The following PPP2R2C variants were observed in gnomAD, a reference collection of about 807,000 sequenced individuals.
PPP2R2C encodes the protein protein phosphatase 2, regulatory subunit B, gamma.
PPP2R2C carries 10 observed loss-of-function variants against 45.3 expected under a neutral mutation model. The ratio of observed to expected loss-of-function variants is 0.22; its 90% confidence interval spans 0.14 to 0.37. The LOEUF is 0.37. Ranked by LOEUF, PPP2R2C falls within the 10% of genes least tolerant of loss-of-function variation. The pLI is 1.00. For synonymous variants in PPP2R2C, 257 were observed against 245.4 expected, an observed-to-expected ratio of 1.05 and a Z score of -0.44; for missense variants, 308 against 619.7, an observed-to-expected ratio of 0.50 and a Z score of 5.34.
At chr4:6,463,561 T>C (rs1478795402) in intron 1 of PPP2R2C, among the ~76,000 whole-genome samples, 1 of 152,214 alleles carries the variant, frequency 6.6e-6, no homozygotes, top group Non-Finnish European at 1.5e-5. Context: ...GTGCCTGTCC[T>C]GGGCAGCACA....
intron 1 of PPP2R2C, among the ~76,000 whole-genome samples, chr4:6,539,176 C>T (rs755394355): frequency 1.3e-5 from 2 of 151,686 alleles, no homozygotes; most frequent in Non-Finnish European, 2.9e-5. Context: ...AATTTGGACA[C>T]ACAGACACAC....
In PPP2R2C at chr4:6,511,259, TGCTGA is replaced by T. The variant is rs1260012545; in HGVS notation, c.49+24007_49+24011del. Among the ~76,000 whole-genome samples the T allele has an allele frequency of 2.9e-3, 378 of 130,414 alleles. 1 individual carries two copies. Among genetic ancestry groups the T allele is most frequent in the Non-Finnish European group, 4.4e-3 (277 of 63,184 alleles). The allele number at this position is 130,414 out of a possible 152,430, so 85.6% of individuals were successfully genotyped here. ...GTTCCGCTGGTGATGCTGATGCTGA[TGCTGA>T]TGCTGATGCTGATGCTGATGCTGAT... On this transcript the variant is annotated intron_variant, in intron 2 of 9. Coordinates refer to the PPP2R2C transcript ENST00000506140.
intron 8 of PPP2R2C, among the ~76,000 whole-genome samples, chr4:6,327,105 C>A (rs1228185625): frequency 6.6e-6 from 1 of 152,194 alleles, no homozygotes; most frequent in Non-Finnish European, 1.5e-5. Context: ...GGAGGTGGCA[C>A]ACCTCTATGC....
intron 5 of PPP2R2C, among the ~76,000 whole-genome samples, chr4:6,358,563 C>A (rs1382000956): frequency 6.7e-6 from 1 of 149,436 alleles, no homozygotes; most frequent in African/African-American, 2.5e-5. Flanking sequence ...AGGCAACCTA[C>A]GGAATGGGAG....
intron 2 of PPP2R2C, among the ~76,000 whole-genome samples, chr4:6,483,551 G>A (rs899495505): frequency 6.6e-6 from 1 of 151,966 alleles, no homozygotes; most frequent in African/African-American, 2.4e-5. Flanking sequence ...ATCTTTTCGT[G>A]TGCTTATTTG....
At chr4:6,419,619 G>C (rs1224940808) in intron 1 of PPP2R2C, among the ~76,000 whole-genome samples, 1 of 152,170 alleles carries the variant, frequency 6.6e-6, no homozygotes, top group Non-Finnish European at 1.5e-5. Context: ...TAGGGCCTGG[G>C]ATGTGTCTGG....
rs1259315432 is a variant in PPP2R2C, at chr4:6,510,987, AAACAAACAAAC to A, written c.49+24273_49+24283del. Among the ~76,000 whole-genome samples the A allele has an allele frequency of 7.1e-5, 6 of 84,224 alleles. 1 individual carries two copies. Among genetic ancestry groups the A allele is most frequent in the African/African-American group, 2.2e-4 (6 of 27,304 alleles). 55.3% of individuals were successfully genotyped at this position (84,224 alleles called of 152,430 possible). On this transcript the variant is annotated intron_variant, in intron 2 of 9. Transcript: ENST00000506140. ...GTGAGACTCCGTCTCAAACAAAAAA[AAACAAACAAAC>A]AAAAAAAAAAACAGAAAATGTTTGT... is the stretch of plus-strand genomic sequence containing the variant.
rs538667995 is a variant in PPP2R2C at position 6,331,439 on chromosome 4, G to A, written c.961-2086C>T. Among the ~76,000 whole-genome samples the A allele has an allele frequency of 5.3e-5, 8 of 151,710 alleles. No homozygotes were observed. The highest frequency in any genetic ancestry group is 4.2e-4 in the South Asian group (2 of 4,786). On this transcript the variant is annotated intron_variant, in intron 7 of 8. Transcript: ENST00000382599. The surrounding 1 kb of genome is among the most constrained non-coding windows in gnomAD (Gnocchi z 5.9). ...CCTCAGTGTGGCTCATTCAACAACC[G>A]TCCCCAGCCCCTTCACCCTTGCCTT... is the stretch of plus-strand genomic sequence containing the variant.
At chr4:6,336,136 G>A (rs1040510866) in intron 6 of PPP2R2C, among the ~76,000 whole-genome samples, 1 of 152,106 alleles carries the variant, frequency 6.6e-6, no homozygotes. Context: ...AATGCTATCA[G>A]GCTGGCAGGT....
chr4:6,433,338 G>C (rs906184692), intron 1 of PPP2R2C, among the ~76,000 whole-genome samples: 3 of 152,198 alleles, frequency 2.0e-5, no homozygotes, highest in Non-Finnish European at 4.4e-5. Context: ...CTTTGCAAAT[G>C]GTTTGCTTTC....
intron 1 of PPP2R2C, among the ~76,000 whole-genome samples, chr4:6,391,598 G>A (rs913641625): frequency 4.6e-5 from 7 of 152,326 alleles, no homozygotes; most frequent in South Asian, 2.1e-4. Flanking sequence ...CCATGATCCC[G>A]GCCTCCACCC....
intron 5 of PPP2R2C, among the ~76,000 whole-genome samples, chr4:6,358,887 A>C (rs1365489750): frequency 6.6e-6 from 1 of 152,244 alleles, no homozygotes; most frequent in Non-Finnish European, 1.5e-5. Context: ...ACGCTTTTAC[A>C]CTGTTGGTGG....
At chr4:6,428,742 G>A (rs933629945) in intron 1 of PPP2R2C, among the ~76,000 whole-genome samples, 3 of 152,224 alleles carry the variant, frequency 2.0e-5, no homozygotes, top group Non-Finnish European at 4.4e-5. Flanking sequence ...CCCTTGCTGA[G>A]TGTCTCTGTC....
rs1731788293 is a variant in PPP2R2C, at chr4:6,324,476, T to C, written c.1053-883A>G. Among the ~76,000 whole-genome samples the C allele has an allele frequency of 6.6e-6, 1 of 152,172 alleles. No homozygotes were observed. Among genetic ancestry groups the C allele is most frequent in the African/African-American group, 2.4e-5 (1 of 41,454 alleles). On this transcript the variant is annotated intron_variant, in intron 8 of 8. Coordinates refer to ENST00000382599, the MANE Select transcript of PPP2R2C (RefSeq NM_020416.4). This position sits in a 1 kb window ranked among gnomAD's most constrained non-coding sequence, Gnocchi z 4.1. ...AAAGAAAAGACCCTCCTGTAATTTCTGTTAGTCCAGGAGAGAAAGCTCTGG... is the reference window on the plus strand; with the variant it reads ...AAAGAAAAGACCCTCCTGTAATTTCCGTTAGTCCAGGAGAGAAAGCTCTGG...
chr4:6,434,512 C>G (rs894551868), intron 1 of PPP2R2C, among the ~76,000 whole-genome samples: 1 of 151,996 alleles, frequency 6.6e-6, no homozygotes, highest in African/African-American at 2.4e-5. Flanking sequence ...GCATGCACCA[C>G]CACGCCTGGC....
rs987826993 is a variant in PPP2R2C at position 6,372,386 on chromosome 4, G to A, written c.625+137C>T. Reference sequence around the variant, plus strand: ...TCTGGGCCTCACACGCATACTAGGAGCCAGAGGTGCCTCACTGAAGAAGTT... The same window carrying A: ...TCTGGGCCTCACACGCATACTAGGAACCAGAGGTGCCTCACTGAAGAAGTT... On this transcript the variant is annotated intron_variant, in intron 5 of 8. Coordinates refer to ENST00000382599, the MANE Select transcript of PPP2R2C (RefSeq NM_020416.4). The A allele has an allele frequency of 6.8e-6, 6 of 885,290 alleles. No homozygotes were observed. The African/African-American group carries it at 1.0e-4, about 15-fold the overall frequency. 54.8% of individuals were successfully genotyped at this position (885,290 alleles called of 1,614,324 possible).
In PPP2R2C at chr4:6,324,873, G is replaced by A. The variant is rs1379923938; in HGVS notation, c.1053-1280C>T. ...TTGGCCTCTGCAGGGCCCTGGAGCA[G>A]CTGTGAGGTGCAAGGTAACTGGGGA... On this transcript the variant is annotated intron_variant, in intron 8 of 8. Transcript: ENST00000382599. This position sits in a 1 kb window ranked among gnomAD's most constrained non-coding sequence, Gnocchi z 4.1. Among the ~76,000 whole-genome samples, 1 of 152,244 alleles carries A rather than the reference G, an allele frequency of 6.6e-6. No homozygotes were observed. Among genetic ancestry groups the A allele is most frequent in the African/African-American group, 2.4e-5 (1 of 41,466 alleles).
chr4:6,553,979 T>C (rs575037192), intron 1 of PPP2R2C, among the ~76,000 whole-genome samples: 169 of 152,206 alleles, frequency 1.1e-3, no homozygotes, highest in African/African-American at 3.9e-3. Context: ...AAGCCTTCCT[T>C]CTTGGGGCAC....
upstream of PPP2R2C, among the ~76,000 whole-genome samples, chr4:6,475,024 A>G (rs955143048): frequency 6.6e-6 from 1 of 152,362 alleles, no homozygotes; most frequent in Non-Finnish European, 1.5e-5. Context: ...TACTATGTGT[A>G]GGCATGTTCC....
Sources: gnomAD v4.1 joint callset for allele counts (sites outside exome capture counted in the v4.1 genomes callset) on GRCh38, gnomAD v4.1.1 for gene constraint, Gnocchi (gnomAD v3.1) non-coding constraint, MANE v1.5 for transcripts, NCBI Gene and HGNC (gene_info 2026-07-23, HGNC 2026-07-21) for gene names.